Variants in DENND4A observed in about 807,000 individuals in gnomAD.
DENND4A encodes the protein DENN domain containing 4A.
DENND4A carries 70 observed loss-of-function variants against 199.3 expected under a neutral mutation model. That is an observed-to-expected ratio of 0.35 (90% CI 0.29 to 0.43). DENND4A has a LOEUF of 0.43. Ranked by LOEUF, DENND4A falls within the 20% of genes least tolerant of loss-of-function variation. DENND4A has a pLI of 1.00. For missense variants in DENND4A, 1,723 were observed against 2,255.8 expected (o/e 0.76, Z 4.78); for synonymous variants, 686 against 766.9 (o/e 0.89, Z 1.74).
intron 1 of DENND4A, among the ~76,000 whole-genome samples, chr15:65,777,420 T>A (rs2077311812): frequency 6.6e-6 from 1 of 151,810 alleles, no homozygotes; most frequent in South Asian, 2.1e-4. Context: ...TGCCACGATC[T>A]CAGCTCACTG....
chr15:65,716,898 C>T (rs1048470271), intron 13 of DENND4A, among the ~76,000 whole-genome samples: 31 of 151,734 alleles, frequency 2.0e-4, no homozygotes, highest in African/African-American at 7.5e-4. Flanking sequence ...CACATCCTCT[C>T]CAGCACCTGT....
chr15:65,791,535 G>C (rs1207186032), intron 1 of DENND4A, among the ~76,000 whole-genome samples: 2 of 151,312 alleles, frequency 1.3e-5, no homozygotes, highest in Non-Finnish European at 2.9e-5. Flanking sequence ...CCGTGCCCGC[G>C]GGCCGGGGAA....
At position 65,718,969 on chromosome 15, in the gene DENND4A, G is replaced by A. The variant is rs531048682; in HGVS notation, c.1589-973C>T. Among the ~76,000 whole-genome samples, 57 of 150,560 alleles carry A rather than the reference G, an allele frequency of 3.8e-4. 1 individual carries two copies. The South Asian group carries it at 0.011, about 28-fold the overall frequency. On this transcript the variant is annotated intron_variant, in intron 12 of 32. Transcript: ENST00000443035. ...TAATTTTTGTATTTTTAGTAGAGAC[G>A]GGGTTTCACCGTGTTGGCGAGGCTA...
chr15:65,723,776 T>C (rs1223111543), intron 11 of DENND4A, among the ~76,000 whole-genome samples: 1 of 152,198 alleles, frequency 6.6e-6, no homozygotes, highest in Non-Finnish European at 1.5e-5. Flanking sequence ...ATAAACGTTA[T>C]GTGAACGTGG....
intron 14 of DENND4A, among the ~76,000 whole-genome samples, chr15:65,713,591 T>C (rs982751493): frequency 2.6e-5 from 4 of 152,258 alleles, no homozygotes; most frequent in African/African-American, 9.6e-5. Context: ...TTGATTGATA[T>C]CTGTGTACAC....
At chr15:65,768,994 CA>C (rs970919518) in intron 1 of DENND4A, among the ~76,000 whole-genome samples, 1 of 140,658 alleles carries the variant, frequency 7.1e-6, no homozygotes. Context: ...AACTCTGTCT[CA>C]AAAAAAACCA....
intron 6 of DENND4A, 52 bp downstream of exon 6, chr15:65,738,654 A>C: frequency 5.3e-6 from 8 of 1,508,082 alleles, no homozygotes; most frequent in Non-Finnish European, 7.2e-6. Context: ...ATTATAGAAA[A>C]CTTGAAAATG....
intron 4 of DENND4A, among the ~76,000 whole-genome samples, chr15:65,750,525 A>C (rs1179518363): frequency 6.6e-6 from 1 of 152,134 alleles, no homozygotes; most frequent in African/African-American, 2.4e-5. Context: ...AAAAAAATTC[A>C]AATTAAAAAA....
rs914636474 is a variant in DENND4A at position 65,729,516 on chromosome 15, A to G, written c.1311+18T>C. On this transcript the variant is annotated intron_variant, in intron 10 of 32. Coordinates refer to ENST00000443035, the MANE Select transcript of DENND4A (RefSeq NM_001320835.1). ...GTTTAAACTAAATTGACTGCCAATAAGAAACTGTGATACTCACAGACACTA... is the reference window on the plus strand; with the variant it reads ...GTTTAAACTAAATTGACTGCCAATAGGAAACTGTGATACTCACAGACACTA... The G allele has an allele frequency of 6.9e-6, 11 of 1,594,952 alleles. No individual in the cohort carries two copies. The highest frequency in any genetic ancestry group is 2.7e-5 in the African/African-American group (2 of 74,374).
At chr15:65,700,470 G>A in intron 20 of DENND4A, 74 bp downstream of exon 20, 7 of 992,826 alleles carry the variant, frequency 7.1e-6, no homozygotes, top group Non-Finnish European at 9.2e-6. Context: ...AAATGAAAAT[G>A]TAAAAAAACA....
chr15:65,707,229 T>A (rs2075093015), intron 14 of DENND4A, among the ~76,000 whole-genome samples: 1 of 152,016 alleles, frequency 6.6e-6, no homozygotes, highest in Non-Finnish European at 1.5e-5. Flanking sequence ...GAACCTAAAC[T>A]GCCCCACAAG....
chr15:65,741,999 C>T (rs374976721), intron 4 of DENND4A, among the ~76,000 whole-genome samples: 1 of 152,138 alleles, frequency 6.6e-6, no homozygotes, highest in Non-Finnish European at 1.5e-5. Flanking sequence ...CCCCTTGCAA[C>T]AGCAATAACA....
intron 1 of DENND4A, among the ~76,000 whole-genome samples, chr15:65,784,610 T>C (rs1364163587): frequency 6.6e-6 from 1 of 152,224 alleles, no homozygotes; most frequent in Non-Finnish European, 1.5e-5. Context: ...TTTTAGTCCT[T>C]TAAGGCATGT....
chr15:65,787,149 C>A (rs1395136143), intron 1 of DENND4A, among the ~76,000 whole-genome samples: 2 of 152,084 alleles, frequency 1.3e-5, no homozygotes, highest in East Asian at 3.9e-4. Flanking sequence ...AAATAAAAAT[C>A]TCTCATCTAC....
chr15:65,665,334 A>G lies in DENND4A; in HGVS notation c.5359+11T>C, dbSNP rs376239697. The stretch of plus-strand genomic sequence containing the variant: ...ATATGAACAAAGTCAGCATTCTATG[A>G]TGGCACTTACTGTGTGCATTCCAGA... On this transcript the variant is annotated intron_variant, in intron 30 of 32. Transcript: ENST00000443035. 4 of 1,603,638 alleles carry G rather than the reference A, an allele frequency of 2.5e-6. No homozygotes were observed. The highest frequency in any genetic ancestry group is 1.6e-4 in the Middle Eastern group (1 of 6,062).
At chr15:65,745,344 C>T (rs2076360429) in intron 4 of DENND4A, among the ~76,000 whole-genome samples, 1 of 152,034 alleles carries the variant, frequency 6.6e-6, no homozygotes, top group South Asian at 2.1e-4. Flanking sequence ...AAATATCTTA[C>T]TAAAAAATAA....
intron 32 of DENND4A, among the ~76,000 whole-genome samples, chr15:65,663,420 G>A (rs1225987038): frequency 6.6e-6 from 1 of 151,822 alleles, no homozygotes; most frequent in Non-Finnish European, 1.5e-5. Flanking sequence ...TATTGGCCAG[G>A]CTTGCCTCGA....
At chr15:65,736,527 A>T (rs1273884280) in intron 7 of DENND4A, among the ~76,000 whole-genome samples, 2 of 151,850 alleles carry the variant, frequency 1.3e-5, no homozygotes, top group African/African-American at 4.8e-5. Flanking sequence ...CAGCCTCCCA[A>T]AGTGTCGGGA....
intron 24 of DENND4A, 124 bp downstream of exon 24, chr15:65,676,321 G>T: frequency 2.4e-6 from 2 of 827,688 alleles, no homozygotes; most frequent in East Asian, 3.1e-5. Context: ...TTTTGACTTT[G>T]GAACTATACA....
Sources: gnomAD v4.1 joint callset for allele counts (sites outside exome capture counted in the v4.1 genomes callset) on GRCh38, gnomAD v4.1.1 for gene constraint, MANE v1.5 for transcripts, NCBI Gene and HGNC (gene_info 2026-07-23, HGNC 2026-07-21) for gene names.